The following NAB2 variants were observed in gnomAD, a reference collection of about 807,000 sequenced individuals.
The protein encoded by NAB2 is NGFI-A-binding protein 2.
In NAB2, 9 loss-of-function variants were observed where a neutral mutation model predicts 44.2. The observed-to-expected ratio is 0.20, with a 90% CI of 0.12 to 0.36. NAB2 has a LOEUF of 0.36. NAB2 is among the 10% of genes least tolerant of loss of function. NAB2 has a pLI of 1.00. For synonymous variants in NAB2, 342 were observed against 291.0 expected, an observed-to-expected ratio of 1.18 and a Z score of -1.78; for missense variants, 514 against 709.0, an observed-to-expected ratio of 0.73 and a Z score of 3.12.
chr12:57,093,255 TGGG>T, intron 5 of NAB2, 60 bp downstream of exon 5: 1 of 653,858 alleles, frequency 1.5e-6, no homozygotes, highest in Non-Finnish European at 2.5e-6. Flanking sequence ...GGGAGGGGGT[TGGG>T]GGAGGAGTGA....
Position 57,093,461 on chromosome 12 carries a change from T to G in NAB2, c.1331T>G (p.Leu444Trp), listed in dbSNP as rs1441634187. Residue 444 changes from leucine to tryptophan, a missense_variant, in exon 6 of 7, where the codon TTG becomes TGG. By Grantham distance (61) the Leu-to-Trp change is moderately conservative. This residue lies in a region of NAB2 where 194 missense variants were observed against 223.9 expected (regional missense o/e 0.87). Transcript: ENST00000300131. ...CCCCCTGCTGACCTGCCTCTGGCAT[T>G]GCCAGCCCATGGGCTATGGAGCCGA... ...TPPPADLPLA[L>W]PAHGLWSRHI... The G allele has an allele frequency of 6.2e-7, 1 of 1,600,554 alleles. No homozygotes were observed. The highest frequency in any genetic ancestry group is 8.5e-7 in the Non-Finnish European group (1 of 1,174,416).
At position 57,091,110 on chromosome 12, in the gene NAB2, G is replaced by A; in HGVS notation, c.84-15G>A. ...CTTGCACCGACTGCCTCTCTCTTGT[G>A]CCCCTCCTTCTCAGGCCCAGTGCCC... is the stretch of plus-strand genomic sequence containing the variant. On this transcript the variant is annotated splice_polypyrimidine_tract_variant and intron_variant, in intron 1 of 6. Transcript: ENST00000300131. This position sits in a 1 kb window ranked among gnomAD's most constrained non-coding sequence, Gnocchi z 7.3. 2.0e-6 allele frequency: 3 copies of A among 1,508,394 alleles called. No homozygotes were observed. The highest frequency in any genetic ancestry group is 2.7e-6 in the Non-Finnish European group (3 of 1,128,596). 93.4% of individuals were successfully genotyped at this position (1,508,394 alleles called of 1,614,324 possible). A position where few individuals can be genotyped will look rare whatever the true frequency, so the allele number is the denominator to read the frequency against.
At chr12:57,092,608 T>G (rs1193077127) in intron 3 of NAB2, 27 bp downstream of exon 3, 2 of 1,612,634 alleles carry the variant, frequency 1.2e-6, no homozygotes. Flanking sequence ...AGGTCCTTCC[T>G]GGACTGGAAT....
chr12:57,094,394 CAGACAG>C (rs1166021550), intron 6 of NAB2, among the ~76,000 whole-genome samples: 1 of 151,662 alleles, frequency 6.6e-6, no homozygotes, highest in Non-Finnish European at 1.5e-5. Flanking sequence ...GAGAGAGAGA[CAGACAG>C]AGACAGAGCT....
intron 6 of NAB2, 133 bp from the exon 7 acceptor site, chr12:57,094,479 C>A: frequency 4.1e-6 from 3 of 733,510 alleles, no homozygotes; most frequent in South Asian, 3.1e-5. Context: ...ATGCAGTGGG[C>A]AGGAGGCAGT....
intron 6 of NAB2, 29 bp downstream of exon 6, chr12:57,093,627 G>A (rs924752468): frequency 6.1e-6 from 9 of 1,463,550 alleles, no homozygotes; most frequent in Middle Eastern, 1.8e-4. Context: ...CTGTCCCCAA[G>A]CACCCCGGCC....
chr12:57,091,780 G>C lies in NAB2; in HGVS notation c.739G>C (p.Glu247Gln), dbSNP rs766484588. 23 of 1,614,228 alleles carry C rather than the reference G, an allele frequency of 1.4e-5. No individual in the cohort carries two copies. The East Asian group carries it at 4.7e-4, about 33-fold the overall frequency. ...LEPEMVRMVVESVERIFRSFP... is the reference protein window; with the variant it reads ...LEPEMVRMVVQSVERIFRSFP... ...GCCAGAGATGGTACGCATGGTGGTG[G>C]AAAGTGTGGAGAGGATCTTCCGGAG... Residue 247 changes from glutamate (E) to glutamine (Q), a missense_variant, in exon 2 of 7, where the codon GAA becomes CAA. By Grantham distance (29) the Glu-to-Gln change is conservative. Transcript: ENST00000300131. The surrounding 1 kb of genome is among the most constrained non-coding windows in gnomAD (Gnocchi z 7.3).
At position 57,089,267 on chromosome 12, in the gene NAB2, C is replaced by A; in HGVS notation, c.-5C>A. 1 of 1,570,956 alleles carries A rather than the reference C, an allele frequency of 6.4e-7. No homozygotes were observed. The highest frequency in any genetic ancestry group is 1.2e-5 in the South Asian group (1 of 85,670). Reference sequence around the variant, plus strand: ...AAGGGCAGCCCGGGTGATCTCCGGCCGTCCATGCACAGAGCGCCTTCCCCC... The same window carrying A: ...AAGGGCAGCCCGGGTGATCTCCGGCAGTCCATGCACAGAGCGCCTTCCCCC... On this transcript the variant is annotated 5_prime_UTR_variant, in exon 1 of 7. Coordinates refer to ENST00000300131, the MANE Select transcript of NAB2 (RefSeq NM_005967.4).
At chr12:57,093,353 G>T in intron 5 of NAB2, 54 bp from the exon 6 acceptor site, 1 of 1,483,860 alleles carries the variant, frequency 6.7e-7, no homozygotes, top group South Asian at 1.4e-5. Context: ...TGTGGTTGAG[G>T]GTGGGGGTTC....
chr12:57,092,729 GTC>G, intron 3 of NAB2, 148 bp downstream of exon 3: 1 of 1,326,482 alleles, frequency 7.5e-7, no homozygotes. Context: ...CTCAGGTCTG[GTC>G]TCTCCTCCCA....
At chr12:57,094,293 A>G (rs2033282611) in intron 6 of NAB2, among the ~76,000 whole-genome samples, 1 of 115,258 alleles carries the variant, frequency 8.7e-6, no homozygotes, top group South Asian at 3.5e-4. Context: ...AGAGCTTGGG[A>G]AGGGGGGAGG....
At chr12:57,090,223 G>C (rs906805828) in intron 1 of NAB2, among the ~76,000 whole-genome samples, 1 of 152,134 alleles carries the variant, frequency 6.6e-6, no homozygotes, top group Admixed American at 6.5e-5. Flanking sequence ...CGGTGGCTCA[G>C]GCCTGTAATC....
Position 57,091,082 on chromosome 12 carries a change from GGAC to G in NAB2, c.84-42_84-40del. ...TAGTGTGGGTTGGTACCCAGTAGGG[GGAC>G]TTGCACCGACTGCCTCTCTCTTGTG... On this transcript the variant is annotated intron_variant, in intron 1 of 6. Coordinates refer to ENST00000300131, the MANE Select transcript of NAB2 (RefSeq NM_005967.4). This position sits in a 1 kb window ranked among gnomAD's most constrained non-coding sequence, Gnocchi z 7.3. 6.8e-7 allele frequency: 1 copy of G among 1,466,460 alleles called. No homozygotes were observed. Among genetic ancestry groups the G allele is most frequent in the South Asian group, 1.4e-5 (1 of 72,066 alleles). The allele number at this position is 1,466,460 out of a possible 1,614,324, so 90.8% of individuals were successfully genotyped here.
chr12:57,090,802 G>A (rs1046364883), intron 1 of NAB2, among the ~76,000 whole-genome samples: 3 of 152,212 alleles, frequency 2.0e-5, no homozygotes, highest in African/African-American at 7.2e-5. Flanking sequence ...GTGCTGGTCA[G>A]CCTCAGCGCT....
Position 57,091,704 on chromosome 12 carries a change from G to A in NAB2, c.663G>A (p.Gly221=), listed in dbSNP as rs2033190982. 6.2e-7 allele frequency: 1 copy of A among 1,613,722 alleles called. No individual in the cohort carries two copies. Among genetic ancestry groups the A allele is most frequent in the Admixed American group, 1.7e-5 (1 of 60,006 alleles). Residue 221 remains glycine, a synonymous_variant, in exon 2 of 7, where the codon GGG becomes GGA. Coordinates refer to ENST00000300131, the MANE Select transcript of NAB2 (RefSeq NM_005967.4). The surrounding 1 kb of genome is among the most constrained non-coding windows in gnomAD (Gnocchi z 7.3). ...GGGGAGGAGTCCCTGAGGGGACTGGGGCTGGGGGGCTGGCAGCAGGTGGGA... is the reference window on the plus strand; with the variant it reads ...GGGGAGGAGTCCCTGAGGGGACTGGAGCTGGGGGGCTGGCAGCAGGTGGGA... ...PAGGGVPEGT[G]AGGLAAGGTG...
In NAB2 at chr12:57,091,768, C is replaced by A. The variant is rs776347211; in HGVS notation, c.727C>A (p.Arg243Ser). 4.3e-6 allele frequency: 7 copies of A among 1,614,010 alleles called. No homozygotes were observed. The highest frequency in any genetic ancestry group is 5.9e-6 in the Non-Finnish European group (7 of 1,180,014). The change falls in exon 2 of 7, where the codon CGC (arginine) becomes AGC (serine). Residue 243 changes from arginine to serine, a missense_variant. Around this residue, in one of 5 missense-constraint regions of NAB2, gnomAD observed 177 missense variants for 200.5 expected, o/e 0.88. Transcript: ENST00000300131. This position sits in a 1 kb window ranked among gnomAD's most constrained non-coding sequence, Gnocchi z 7.3. ...AGACCGACTGGAGCCAGAGATGGTA[C>A]GCATGGTGGTGGAAAGTGTGGAGAG... ...GPDRLEPEMV[R>S]MVVESVERIF...
Position 57,089,303 on chromosome 12 carries a change from A to G in NAB2, c.32A>G (p.Gln11Arg). The G allele has an allele frequency of 1.9e-6, 3 of 1,578,638 alleles. No homozygotes were observed. The highest frequency in any genetic ancestry group is 1.2e-5 in the South Asian group (1 of 86,426). The change falls in exon 1 of 7, where the codon CAG becomes CGG. Residue 11 changes from glutamine (Q) to arginine (R), a missense_variant. Coordinates refer to ENST00000300131, the MANE Select transcript of NAB2 (RefSeq NM_005967.4). MHRAPSPTAEQPPGGGDSARR... is the reference protein window; with the variant it reads MHRAPSPTAERPPGGGDSARR... Reference sequence around the variant, plus strand: ...AGAGCGCCTTCCCCCACAGCCGAGCAGCCGCCGGGCGGAGGGGACAGCGCC... The same window carrying G: ...AGAGCGCCTTCCCCCACAGCCGAGCGGCCGCCGGGCGGAGGGGACAGCGCC...
chr12:57,093,700 C>A, intron 6 of NAB2, 102 bp downstream of exon 6: 1 of 1,242,814 alleles, frequency 8.0e-7, no homozygotes, highest in South Asian at 1.6e-5. Context: ...GGGATATAGT[C>A]GTCAGAGAGG....
At chr12:57,090,515 C>A (rs1029732089) in intron 1 of NAB2, among the ~76,000 whole-genome samples, 1 of 150,250 alleles carries the variant, frequency 6.7e-6, no homozygotes, top group Admixed American at 6.7e-5. Context: ...AAATGCTTAA[C>A]CCCTGGGAAA....
Sources: gnomAD v4.1 joint callset for allele counts (sites outside exome capture counted in the v4.1 genomes callset) on GRCh38, gnomAD v4.1.1 for gene constraint, gnomAD v4.1.1 regional missense constraint, Gnocchi (gnomAD v3.1) non-coding constraint, MANE v1.5 for transcripts, NCBI Gene and HGNC (gene_info 2026-07-23, HGNC 2026-07-21) for gene names.